SULF2: variants seen among roughly 807,000 people sequenced by gnomAD.
The protein encoded by SULF2 is extracellular sulfatase Sulf-2.
In SULF2, 52 loss-of-function variants were observed where a neutral mutation model predicts 107.7. The ratio of observed to expected loss-of-function variants is 0.48; its 90% CI spans 0.39 to 0.61. SULF2 has a LOEUF of 0.61. Among genes scored for constraint, SULF2 ranks in the 20% least tolerant of loss-of-function variants. SULF2 has a pLI of 0.00. For synonymous variants in SULF2, 460 were observed against 464.3 expected (o/e 0.99, Z 0.12); for missense variants, 993 against 1,177.3 (o/e 0.84, Z 2.29).
At chr20:47,674,100 G>A (rs1300011782) in intron 10 of SULF2, among the ~76,000 whole-genome samples, 6 of 152,198 alleles carry the variant, frequency 3.9e-5, no homozygotes, top group Non-Finnish European at 5.9e-5. Context: ...TACATTGTAC[G>A]TTTTCAGAGT....
chr20:47,771,520 G>A (rs1033127866), intron 1 of SULF2, among the ~76,000 whole-genome samples: 44 of 152,166 alleles, frequency 2.9e-4, no homozygotes, highest in Admixed American at 1.5e-3. Flanking sequence ...TGGGGAAAAA[G>A]GCCCCAACCT....
intron 3 of SULF2, among the ~76,000 whole-genome samples, chr20:47,710,026 C>T (rs149144274): frequency 2.9e-3 from 434 of 151,974 alleles, no homozygotes; most frequent in African/African-American, 8.0e-3. Flanking sequence ...CTCAGCCTCT[C>T]GAGTAGCTGG....
chr20:47,783,216 CTTT>C (rs1217389856), intron 1 of SULF2, among the ~76,000 whole-genome samples: 1 of 139,482 alleles, frequency 7.2e-6, no homozygotes, highest in African/African-American at 3.4e-5. Flanking sequence ...TAAACCTTTT[CTTT>C]TAACTACAAG....
At position 47,676,310 on chromosome 20, in the gene SULF2, A is replaced by G. The variant is rs114940981; in HGVS notation, c.1380+184T>C. Among the ~76,000 whole-genome samples, 465 of 152,348 alleles carry G rather than the reference A, an allele frequency of 3.1e-3. 4 individuals carry two copies. The highest frequency in any genetic ancestry group is 0.011 in the African/African-American group (452 of 41,586). On this transcript the variant is annotated intron_variant, in intron 10 of 20. Coordinates refer to ENST00000688720, the MANE Select transcript of SULF2 (RefSeq NM_001387048.1). Reference sequence around the variant, plus strand: ...GTCAGGGTCCAAAGGCTGCTGAGAAATGAATCACTTATTGTGAGCATCATC... The same window carrying G: ...GTCAGGGTCCAAAGGCTGCTGAGAAGTGAATCACTTATTGTGAGCATCATC...
chr20:47,689,151 G>C (rs539623598), intron 5 of SULF2, among the ~76,000 whole-genome samples: 2 of 152,162 alleles, frequency 1.3e-5, no homozygotes, highest in Admixed American at 6.5e-5. Flanking sequence ...TTACCTCTCT[G>C]TGCCTCAGTT....
chr20:47,670,405 T>C (rs993057424), intron 11 of SULF2, among the ~76,000 whole-genome samples: 4 of 151,580 alleles, frequency 2.6e-5, no homozygotes, highest in Non-Finnish European at 4.4e-5. Context: ...TTGGCCAGAC[T>C]GGTCTCGAAC....
chr20:47,712,358 GCCT>G (rs1043370306), intron 3 of SULF2, among the ~76,000 whole-genome samples: 3 of 152,222 alleles, frequency 2.0e-5, no homozygotes, highest in African/African-American at 7.2e-5. Flanking sequence ...TGGGACGCCT[GCCT>G]CCTCCTCACC....
intron 2 of SULF2, among the ~76,000 whole-genome samples, chr20:47,753,468 A>G (rs1376604784): frequency 6.6e-6 from 1 of 152,240 alleles, no homozygotes; most frequent in Admixed American, 6.5e-5. Flanking sequence ...ACTGCCCGTC[A>G]CCCTCATTAC....
rs557781467 is a variant in SULF2, at chr20:47,678,851, C to A, written c.1065-47G>T. 9 of 1,591,536 alleles carry A rather than the reference C, an allele frequency of 5.7e-6. 1 individual carries two copies. The South Asian group carries it at 1.0e-4, about 18-fold the overall frequency. On this transcript the variant is annotated intron_variant, in intron 7 of 20. Transcript: ENST00000688720. The surrounding 1 kb of genome is among the most constrained non-coding windows in gnomAD (Gnocchi z 4.5). ...GGACTCAGTCACTCAGGTGGTGGTG[C>A]CTCAGCCTCGCGTGGGGGGTGGGGA...
intron 2 of SULF2, among the ~76,000 whole-genome samples, chr20:47,751,943 G>A (rs1176656476): frequency 6.6e-6 from 1 of 152,136 alleles, no homozygotes; most frequent in Admixed American, 6.5e-5. Context: ...AAGAACCCAT[G>A]CCAAACTTGA....
intron 1 of SULF2, among the ~76,000 whole-genome samples, chr20:47,775,193 A>C (rs62202162): frequency 0.038 from 5,808 of 152,310 alleles, 177 homozygotes; most frequent in Non-Finnish European, 0.061. Flanking sequence ...AGGTGGCAGA[A>C]GTGATGCTGT....
intron 4 of SULF2, among the ~76,000 whole-genome samples, chr20:47,691,133 G>T (rs1372551805): frequency 6.6e-6 from 1 of 152,214 alleles, no homozygotes; most frequent in Non-Finnish European, 1.5e-5. Flanking sequence ...TTTTTTCAAG[G>T]CTCTGGGGAC....
intron 2 of SULF2, among the ~76,000 whole-genome samples, chr20:47,750,299 T>C (rs2090133467): frequency 6.6e-6 from 1 of 152,134 alleles, no homozygotes; most frequent in Non-Finnish European, 1.5e-5. Flanking sequence ...TAACCATGGT[T>C]TTCCCCATCT....
intron 3 of SULF2, among the ~76,000 whole-genome samples, chr20:47,731,210 T>TTTTTTTTTTTTTTTTTTG (rs1491437167): frequency 1.6e-4 from 22 of 135,714 alleles, no homozygotes; most frequent in African/African-American, 6.5e-4. Flanking sequence ...TTTTTTTTTT[T>TTTTTTTTTTTTTTTTTTG]GAGACAGAGT....
At chr20:47,775,214 C>T (rs563298664) in intron 1 of SULF2, among the ~76,000 whole-genome samples, 6 of 152,272 alleles carry the variant, frequency 3.9e-5, no homozygotes, top group South Asian at 2.1e-4. Context: ...GCCGGTTTTG[C>T]GGTTAAGCCT....
intron 18 of SULF2, chr20:47,661,558 T>C: frequency 5.0e-6 from 2 of 398,992 alleles, no homozygotes; most frequent in Non-Finnish European, 9.2e-6. Flanking sequence ...GTGTGTTTCC[T>C]GGGCAGTTGG....
At chr20:47,697,120 G>A (rs968678215) in intron 4 of SULF2, among the ~76,000 whole-genome samples, 9 of 152,222 alleles carry the variant, frequency 5.9e-5, no homozygotes, top group African/African-American at 1.9e-4. Flanking sequence ...GCCCACTTTT[G>A]CCAGCTACCT....
rs200424869 is a variant in SULF2, at chr20:47,675,136, TG to T, written c.1380+1357del. ...CAGGGGAGACATCAGAAAGAACCAG[TG>T]GGGGACTTGACAACGTTCCCTCGTC... On this transcript the variant is annotated intron_variant, in intron 10 of 20. Transcript: ENST00000688720. 4.9e-3 allele frequency among the ~76,000 whole-genome samples: 746 copies of T among 152,174 alleles called. 5 individuals carry two copies. Among genetic ancestry groups the T allele is most frequent in the African/African-American group, 0.017 (717 of 41,502 alleles).
rs1234047937 is a variant in SULF2, at chr20:47,680,023, C to T, written c.1065-1219G>A. On this transcript the variant is annotated intron_variant, in intron 7 of 20. Coordinates refer to ENST00000688720, the MANE Select transcript of SULF2 (RefSeq NM_001387048.1). This position sits in a 1 kb window ranked among gnomAD's most constrained non-coding sequence, Gnocchi z 4.2. ...GCTCAGGTGGTCACTTCTGTATCTC[C>T]AGGACTTATACCCTTAGAACACAGA... Among the ~76,000 whole-genome samples the T allele has an allele frequency of 6.6e-6, 1 of 152,212 alleles. No homozygotes were observed. The highest frequency in any genetic ancestry group is 6.5e-5 in the Admixed American group (1 of 15,288).
Sources: allele counts gnomAD v4.1 joint callset (sites outside exome capture counted in the v4.1 genomes callset), GRCh38; gene constraint gnomAD v4.1.1; non-coding constraint Gnocchi (gnomAD v3.1); transcripts MANE v1.5; gene names NCBI Gene and HGNC (gene_info 2026-07-23, HGNC 2026-07-21).